COBL: variants seen among roughly 807,000 people sequenced by gnomAD.
COBL encodes cordon-bleu WH2 repeat protein, also known as protein cordon-bleu.
In COBL, 51 loss-of-function variants were observed where a neutral mutation model predicts 98.8. The observed-to-expected ratio is 0.52, with a 90% CI of 0.41 to 0.65. The LOEUF (loss-of-function observed/expected upper bound fraction) is 0.65, where lower values mean the gene tolerates loss of function less well. Ranked by LOEUF, COBL falls within the 30% of genes least tolerant of loss-of-function variation. COBL has a pLI of 0.00. For synonymous variants in COBL, 634 were observed against 651.7 expected (o/e 0.97, Z 0.41); for missense variants, 1,617 against 1,617.5 (o/e 1.00, Z 0.01).
chr7:51,140,706 G>C (rs1371388411), intron 5 of COBL, among the ~76,000 whole-genome samples: 1 of 152,184 alleles, frequency 6.6e-6, no homozygotes, highest in African/African-American at 2.4e-5. Context: ...CAGGCAGCAG[G>C]GGCACGGCCC....
At chr7:51,267,316 C>T (rs1798307129) in intron 1 of COBL, among the ~76,000 whole-genome samples, 2 of 152,154 alleles carry the variant, frequency 1.3e-5, no homozygotes, top group Non-Finnish European at 2.9e-5. Flanking sequence ...GAGTGTCAGG[C>T]CTTCTGAGGC....
intron 1 of COBL, among the ~76,000 whole-genome samples, chr7:51,224,342 TA>T (rs1793968758): frequency 6.6e-6 from 1 of 150,552 alleles, no homozygotes; most frequent in Non-Finnish European, 1.5e-5. Context: ...ACTGCGTACT[TA>T]TAAAAGCCTG....
chr7:51,308,644 A>G (rs1802712221), intron 1 of COBL, among the ~76,000 whole-genome samples: 1 of 152,178 alleles, frequency 6.6e-6, no homozygotes, highest in South Asian at 2.1e-4. Flanking sequence ...CATTCTAACA[A>G]GGAGTCTCTC....
intron 7 of COBL, among the ~76,000 whole-genome samples, chr7:51,046,096 C>A (rs931513438): frequency 1.3e-5 from 2 of 152,052 alleles, no homozygotes; most frequent in Non-Finnish European, 2.9e-5. Flanking sequence ...GGTTTATCTG[C>A]GTCTAGGGAG....
intron 1 of COBL, among the ~76,000 whole-genome samples, chr7:51,234,702 G>GAAAAAAA (rs71021761): frequency 8.8e-6 from 1 of 114,020 alleles, no homozygotes; most frequent in Non-Finnish European, 1.8e-5. Flanking sequence ...CCCTGTTTCA[G>GAAAAAAA]AAAAAAAAAA....
chr7:51,151,611 T>C (rs1297382464), intron 5 of COBL, among the ~76,000 whole-genome samples: 1 of 152,242 alleles, frequency 6.6e-6, no homozygotes, highest in Non-Finnish European at 1.5e-5. Context: ...CACAAAAGCA[T>C]ACAAAGAGAG....
intron 5 of COBL, among the ~76,000 whole-genome samples, chr7:51,178,149 ACTCT>A (rs2129048352): frequency 6.7e-6 from 1 of 149,084 alleles, no homozygotes; most frequent in African/African-American, 2.5e-5. Context: ...ACACTCTCTC[ACTCT>A]CTGTCTCTCT....
At chr7:51,117,980 G>A (rs1227512500) in intron 6 of COBL, among the ~76,000 whole-genome samples, 1 of 152,132 alleles carries the variant, frequency 6.6e-6, no homozygotes, top group Non-Finnish European at 1.5e-5. Context: ...TTTCATGCAT[G>A]GTTCAAGGCT....
chr7:51,178,275 T>C (rs1788606419), intron 5 of COBL, among the ~76,000 whole-genome samples: 2 of 152,098 alleles, frequency 1.3e-5, no homozygotes, highest in South Asian at 4.1e-4. Flanking sequence ...TGTTTTAAAT[T>C]AATGAAATAC....
chr7:51,168,956 C>T (rs549126408), intron 5 of COBL, among the ~76,000 whole-genome samples: 38 of 152,156 alleles, frequency 2.5e-4, no homozygotes, highest in Non-Finnish European at 5.0e-4. Flanking sequence ...ATGGACCCCT[C>T]TTCTCAGCCA....
intron 5 of COBL, among the ~76,000 whole-genome samples, chr7:51,137,241 A>G (rs10481025): frequency 0.54 from 82,394 of 152,058 alleles, 23,048 homozygotes; most frequent in Middle Eastern, 0.68. Flanking sequence ...TGGAGACACT[A>G]CCTGGGTTTG....
At chr7:51,304,791 C>A (rs1802300089) in intron 1 of COBL, among the ~76,000 whole-genome samples, 1 of 152,210 alleles carries the variant, frequency 6.6e-6, no homozygotes, top group Non-Finnish European at 1.5e-5. Context: ...GATGCTGTTA[C>A]TCCTGGTCTC....
chr7:51,267,279 C>G lies in COBL; in HGVS notation c.42-47335G>C, dbSNP rs76968257. Among the ~76,000 whole-genome samples, 28 of 152,282 alleles carry G rather than the reference C, an allele frequency of 1.8e-4. No individual in the cohort carries two copies. The East Asian group carries it at 5.0e-3, about 27-fold the overall frequency. On this transcript the variant is annotated intron_variant, in intron 1 of 12. Coordinates refer to ENST00000265136, the MANE Select transcript of COBL (RefSeq NM_015198.5). ...AAAAAACTTTATGAAAGATTTTCCTCTGTTCAGGCAGGCACTCTGGCCTGA... is the reference window on the plus strand; with the variant it reads ...AAAAAACTTTATGAAAGATTTTCCTGTGTTCAGGCAGGCACTCTGGCCTGA...
At chr7:51,154,369 G>A (rs1785890217) in intron 5 of COBL, among the ~76,000 whole-genome samples, 1 of 152,196 alleles carries the variant, frequency 6.6e-6, no homozygotes, top group African/African-American at 2.4e-5. Flanking sequence ...GAGGGCCAAG[G>A]CACAAAGGGG....
At chr7:51,293,708 A>G (rs1801123913) in intron 1 of COBL, among the ~76,000 whole-genome samples, 1 of 152,186 alleles carries the variant, frequency 6.6e-6, no homozygotes, top group Non-Finnish European at 1.5e-5. Flanking sequence ...AGTAGCTCCA[A>G]AATACAGTAC....
Position 51,028,324 on chromosome 7 carries a change from T to C in COBL, c.2772A>G (p.Gly924=). The C allele has an allele frequency of 6.2e-7, 1 of 1,614,240 alleles. No individual in the cohort carries two copies. The highest frequency in any genetic ancestry group is 8.5e-7 in the Non-Finnish European group (1 of 1,180,034). ...AGGGCCACTGGGCACCATCCTTCCA[T>C]CCTTGTGTCTCTGAGTGTGGGCTGG... ...RTSSPHSETQ[G]WKDGAQWPCV... Residue 924 remains glycine, a synonymous_variant, in exon 10 of 13, where the codon GGA becomes GGG. Transcript: ENST00000265136.
At position 51,054,129 on chromosome 7, in the gene COBL, T is replaced by C. The variant is rs574870514; in HGVS notation, c.1097-10437A>G. 1.1e-4 allele frequency among the ~76,000 whole-genome samples: 17 copies of C among 152,296 alleles called. No homozygotes were observed. In the East Asian group the frequency reaches 3.1e-3, roughly 28 times the overall value. On this transcript the variant is annotated intron_variant, in intron 7 of 12. Transcript: ENST00000265136. The stretch of plus-strand genomic sequence containing the variant: ...CCAGGAGACAGAGGTTGCAGTGAGC[T>C]GGGATCGTGCTGCAACTGCACTCCA...
chr7:51,205,612 T>A (rs1791600827), intron 2 of COBL, among the ~76,000 whole-genome samples: 1 of 150,960 alleles, frequency 6.6e-6, no homozygotes, highest in Non-Finnish European at 1.5e-5. Context: ...GTCTGGGCAG[T>A]TTTTTGTTTG....
intron 12 of COBL, among the ~76,000 whole-genome samples, chr7:51,023,539 T>C (rs1312952540): frequency 6.6e-6 from 1 of 152,154 alleles, no homozygotes; most frequent in Non-Finnish European, 1.5e-5. Flanking sequence ...AAATGGCCCC[T>C]GGGGAGCTCA....
Sources: gnomAD v4.1 joint callset for allele counts (sites outside exome capture counted in the v4.1 genomes callset) on GRCh38, gnomAD v4.1.1 for gene constraint, MANE v1.5 for transcripts, NCBI Gene and HGNC (gene_info 2026-07-23, HGNC 2026-07-21) for gene names.